ARID2: variants seen among roughly 807,000 people sequenced by gnomAD.
ARID2 encodes the protein AT-rich interaction domain 2.
In ARID2, 32 loss-of-function variants were observed where a neutral mutation model predicts 184.6. That is an observed-to-expected ratio of 0.17 (90% CI 0.13 to 0.23). The LOEUF (loss-of-function observed/expected upper bound fraction) is 0.23. ARID2 is among the 10% of genes least tolerant of loss of function. ARID2 has a pLI of 1.00. For missense variants in ARID2, 1,696 were observed against 2,197.6 expected, an observed-to-expected ratio of 0.77 and a Z score of 4.56; for synonymous variants, 836 against 772.6, an observed-to-expected ratio of 1.08 and a Z score of -1.36.
intron 3 of ARID2, among the ~76,000 whole-genome samples, chr12:45,741,112 C>G (rs1275976393): frequency 1.3e-5 from 2 of 152,110 alleles, no homozygotes; most frequent in Non-Finnish European, 2.9e-5. Context: ...ATGATACTTG[C>G]ATTTATTTGT....
chr12:45,900,227 A>AT (rs987558974), intron 20 of ARID2, among the ~76,000 whole-genome samples: 7 of 151,828 alleles, frequency 4.6e-5, no homozygotes, highest in Admixed American at 6.6e-5. Context: ...CGCCTGGCTA[A>AT]TTTTTTTATT....
chr12:45,899,695 TTATA>T (rs1219289824), intron 20 of ARID2, among the ~76,000 whole-genome samples: 1 of 78,722 alleles, frequency 1.3e-5, no homozygotes, highest in Non-Finnish European at 3.0e-5. Flanking sequence ...ATATATATGG[TTATA>T]TATATATATG....
At position 45,850,285 on chromosome 12, in the gene ARID2, A is replaced by C. The variant is rs2138160516; in HGVS notation, c.2162A>C (p.Asn721Thr). The C allele has an allele frequency of 6.2e-7, 1 of 1,614,144 alleles. No homozygotes were observed. Among genetic ancestry groups the C allele is most frequent in the Non-Finnish European group, 8.5e-7 (1 of 1,180,002 alleles). The stretch of plus-strand genomic sequence containing the variant: ...GTTGTTAAGGCTACAGTTATCCAGA[A>C]TTCCATACCCCAGACAGGAGTTCCT... ...CEVVKATVIQ[N>T]SIPQTGVPVS... The change falls in exon 15 of 21, where the codon AAT (asparagine) becomes ACT (threonine). Residue 721 changes from asparagine to threonine, a missense_variant. By Grantham distance (65) the Asn-to-Thr change is moderately conservative (BLOSUM62 0). This residue lies in a region of ARID2 where 713 missense variants were observed against 824.4 expected (regional missense o/e 0.86). Transcript: ENST00000334344.
chr12:45,881,582 A>G (rs975914139), intron 16 of ARID2: 6 of 155,254 alleles, frequency 3.9e-5, no homozygotes, highest in Non-Finnish European at 4.3e-5. Flanking sequence ...TCCTAAGGCT[A>G]CATACACTTC....
At chr12:45,875,487 G>A (rs1182427910) in intron 16 of ARID2, among the ~76,000 whole-genome samples, 1 of 152,222 alleles carries the variant, frequency 6.6e-6, no homozygotes, top group African/African-American at 2.4e-5. Flanking sequence ...GCTAATGAGA[G>A]TCAGCCTTTC....
Position 45,851,785 on chromosome 12 carries a change from A to G in ARID2, c.3662A>G (p.Gln1221Arg). ...GLPVQTLPAT[Q>R]ASPAGQSSCT... Reference sequence around the variant, plus strand: ...CCAGTACAAACGCTTCCAGCCACTCAAGCATCTCCTGCTGGACAATCATCA... The same window carrying G: ...CCAGTACAAACGCTTCCAGCCACTCGAGCATCTCCTGCTGGACAATCATCA... The change falls in exon 15 of 21, where the codon CAA becomes CGA. Residue 1221 changes from glutamine to arginine, a missense_variant. Physicochemically the swap from Gln to Arg is conservative, Grantham distance 43. Coordinates refer to ENST00000334344, the MANE Select transcript of ARID2 (RefSeq NM_152641.4). The G allele has an allele frequency of 6.2e-7, 1 of 1,614,120 alleles. No homozygotes were observed. The highest frequency in any genetic ancestry group is 8.5e-7 in the Non-Finnish European group (1 of 1,180,002).
At chr12:45,734,277 G>C (rs1941064960) in intron 3 of ARID2, among the ~76,000 whole-genome samples, 1 of 152,214 alleles carries the variant, frequency 6.6e-6, no homozygotes, top group Admixed American at 6.5e-5. Flanking sequence ...GCTGATGCAG[G>C]AGAACTGCTT....
chr12:45,782,495 G>A (rs1469758626), intron 3 of ARID2, among the ~76,000 whole-genome samples: 3 of 152,048 alleles, frequency 2.0e-5, no homozygotes, highest in Non-Finnish European at 4.4e-5. Context: ...AGGTGGGCAT[G>A]TTGTCAGATG....
Position 45,867,750 on chromosome 12 carries a change from A to G in ARID2, c.4922+6801A>G, listed in dbSNP as rs186163032. 4.0e-5 allele frequency among the ~76,000 whole-genome samples: 6 copies of G among 151,836 alleles called. No individual in the cohort carries two copies. The East Asian group carries it at 9.8e-4, about 25-fold the overall frequency. On this transcript the variant is annotated intron_variant, in intron 16 of 20. Coordinates refer to ENST00000334344, the MANE Select transcript of ARID2 (RefSeq NM_152641.4). ...AGAACGAGACTCCATCTCAAAAAAA[A>G]AAAAAAGAAAAAAAAACTTCTGTAC... is the stretch of plus-strand genomic sequence containing the variant.
In ARID2 at chr12:45,782,578, G is replaced by T. The variant is rs140460021; in HGVS notation, c.285-28840G>T. On this transcript the variant is annotated intron_variant, in intron 3 of 20. Transcript: ENST00000334344. The stretch of plus-strand genomic sequence containing the variant: ...ACCCGGGAGGTGGAGGTTGCAGTGA[G>T]CCGAGATCGCGCCATTACACTCCAG... Among the ~76,000 whole-genome samples the T allele has an allele frequency of 4.5e-4, 69 of 152,260 alleles. No homozygotes were observed. In the East Asian group the frequency reaches 0.013, roughly 29 times the overall value.
At chr12:45,899,633 T>TTATA (rs1207556055) in intron 20 of ARID2, among the ~76,000 whole-genome samples, 1 of 134,758 alleles carries the variant, frequency 7.4e-6, no homozygotes, top group Non-Finnish European at 1.6e-5. Context: ...ATATATTTGG[T>TTATA]TATATATATA....
intron 16 of ARID2, among the ~76,000 whole-genome samples, chr12:45,861,580 CTTTT>C (rs11303020): frequency 1.0e-5 from 1 of 97,002 alleles, no homozygotes; most frequent in Non-Finnish European, 2.0e-5. Context: ...AGGCATTTGT[CTTTT>C]TTTTTTTTTT....
intron 6 of ARID2, among the ~76,000 whole-genome samples, chr12:45,821,808 C>T (rs1230169666): frequency 2.0e-5 from 3 of 152,064 alleles, no homozygotes; most frequent in Admixed American, 2.0e-4. Context: ...TGTTCTGAAA[C>T]TATGCAATTC....
intron 3 of ARID2, among the ~76,000 whole-genome samples, chr12:45,764,014 A>G (rs1243134547): frequency 2.0e-5 from 3 of 152,234 alleles, no homozygotes; most frequent in Non-Finnish European, 4.4e-5. Context: ...ATGTAAAAAC[A>G]GAAAATAAAT....
chr12:45,840,100 C>T (rs1335189366), intron 11 of ARID2: 2 of 152,174 alleles, frequency 1.3e-5, no homozygotes, highest in African/African-American at 2.4e-5. Context: ...CCTTGAACTC[C>T]TTCCACTGGC....
At position 45,836,734 on chromosome 12, in the gene ARID2, A is replaced by G. The variant is rs752176280; in HGVS notation, c.773-7A>G. The G allele has an allele frequency of 1.1e-5, 18 of 1,606,122 alleles. No homozygotes were observed. The highest frequency in any genetic ancestry group is 1.7e-4 in the Middle Eastern group (1 of 6,022). ...ATATTAAGTGAAATATGTATTTTCT[A>G]TTGTAGAAGGTACATCAGGAGAATG... is the stretch of plus-strand genomic sequence containing the variant. On this transcript the variant is annotated splice_region_variant and splice_polypyrimidine_tract_variant and intron_variant, in intron 7 of 20. Transcript: ENST00000334344.
intron 16 of ARID2, chr12:45,882,205 CCTT>C (rs1396643341): frequency 6.6e-6 from 1 of 152,190 alleles, no homozygotes; most frequent in African/African-American, 2.4e-5. Context: ...TCTTTGATGA[CCTT>C]CTTTCTTTTT....
intron 16 of ARID2, among the ~76,000 whole-genome samples, chr12:45,887,121 A>T (rs562558378): frequency 2.6e-5 from 4 of 152,270 alleles, no homozygotes; most frequent in African/African-American, 9.6e-5. Flanking sequence ...CTGGAATAAA[A>T]GAAAATACAA....
At chr12:45,784,279 C>T (rs2138043280) in intron 3 of ARID2, among the ~76,000 whole-genome samples, 1 of 152,230 alleles carries the variant, frequency 6.6e-6, no homozygotes, top group South Asian at 2.1e-4. Context: ...CTTCAGCCTC[C>T]TGAGTCTCTG....
Sources: allele counts gnomAD v4.1 joint callset (sites outside exome capture counted in the v4.1 genomes callset), GRCh38; gene constraint gnomAD v4.1.1; regional missense constraint gnomAD v4.1.1; transcripts MANE v1.5; gene names NCBI Gene and HGNC (gene_info 2026-07-23, HGNC 2026-07-21).